The following EMG1 variants were observed in gnomAD, a reference collection of about 807,000 sequenced individuals.
EMG1 encodes the protein EMG1 N1-specific pseudouridine methyltransferase.
EMG1 carries 24 observed loss-of-function variants against 26.9 expected under a neutral mutation model. The ratio of observed to expected loss-of-function variants is 0.89; its 90% CI spans 0.65 to 1.26. The LOEUF is 1.26. Among genes scored for constraint, EMG1 ranks in the 50% most tolerant of loss-of-function variants. The pLI, the probability that EMG1 is intolerant of heterozygous loss-of-function variation, is 0.00. For missense variants in EMG1, 299 were observed against 307.6 expected, an observed-to-expected ratio of 0.97 and a Z score of 0.21; for synonymous variants, 140 against 112.6, an observed-to-expected ratio of 1.24 and a Z score of -1.54.
At chr12:6,986,507 G>A (rs1478126678) in intron 6 of EMG1, among the ~76,000 whole-genome samples, 1 of 152,114 alleles carries the variant, frequency 6.6e-6, no homozygotes, top group African/African-American at 2.4e-5. Flanking sequence ...ATATGTGGCC[G>A]GGTGTGGTGG....
downstream of EMG1, chr12:6,983,144 G>A: frequency 2.1e-6 from 1 of 476,126 alleles, no homozygotes; most frequent in Non-Finnish European, 3.9e-6. Context: ...AGTGGGGACT[G>A]CTTGGCTCGG....
intron 6 of EMG1, among the ~76,000 whole-genome samples, chr12:6,986,856 T>C (rs114193199): frequency 0.044 from 6,555 of 149,636 alleles, 232 homozygotes; most frequent in African/African-American, 0.098. Flanking sequence ...AGCTCACACC[T>C]GTAATCCCCT....
At chr12:6,981,310 A>T, downstream of EMG1, 1 of 775,420 alleles carries the variant, frequency 1.3e-6, no homozygotes, top group Non-Finnish European at 2.1e-6. Context: ...TTGGGGGATG[A>T]CAAATAGTTG....
downstream of EMG1, chr12:6,981,373 A>G: frequency 1.5e-6 from 1 of 672,154 alleles, no homozygotes; most frequent in South Asian, 1.9e-5. Context: ...CTGCTTTAGC[A>G]AATGCCTTGC....
chr12:6,989,860 A>G (rs1039103466), downstream of EMG1, among the ~76,000 whole-genome samples: 2 of 152,134 alleles, frequency 1.3e-5, no homozygotes, highest in Non-Finnish European at 2.9e-5. Context: ...AGAAACAGAA[A>G]TGGACTGTTT....
chr12:6,979,621 G>T lies in EMG1; in HGVS notation c.*3812G>T. On this transcript the variant is annotated 3_prime_UTR_variant, in exon 6 of 6. Transcript: ENST00000599672. Reference sequence around the variant, plus strand: ...GAAGTTCCTGGTCACAGAGAGCAGAGACTATTCCCTTCACCCTCTGACCTT... The same window carrying T: ...GAAGTTCCTGGTCACAGAGAGCAGATACTATTCCCTTCACCCTCTGACCTT... 7.3e-7 allele frequency: 1 copy of T among 1,364,554 alleles called. No homozygotes were observed. The highest frequency in any genetic ancestry group is 1.0e-6 in the Non-Finnish European group (1 of 953,148). The allele number at this position is 1,364,554 out of a possible 1,614,324, so 84.5% of individuals were successfully genotyped here. A position where few individuals can be genotyped will look rare whatever the true frequency, so the allele number is the denominator to read the frequency against.
chr12:6,988,979 A>C (rs993613469), downstream of EMG1, among the ~76,000 whole-genome samples: 1 of 152,068 alleles, frequency 6.6e-6, no homozygotes, highest in East Asian at 1.9e-4. Flanking sequence ...ATACAAAATT[A>C]GCTGGGCGTG....
Position 6,975,215 on chromosome 12 carries a change from C to CT in EMG1, c.472-8dup. On this transcript the variant is annotated splice_polypyrimidine_tract_variant and intron_variant, in intron 4 of 5. Transcript: ENST00000599672. ...ATGTTTCTGGGGCTGACTTTTCTCTCTTTTTTACTTTAGGTAATTAAGAAT... is the reference window on the plus strand; with the variant it reads ...ATGTTTCTGGGGCTGACTTTTCTCTCTTTTTTTACTTTAGGTAATTAAGAAT... 3.7e-6 allele frequency: 6 copies of CT among 1,613,914 alleles called. No homozygotes were observed. The highest frequency in any genetic ancestry group is 5.1e-6 in the Non-Finnish European group (6 of 1,179,832).
In EMG1 at chr12:6,979,851, T is replaced by A; in HGVS notation, c.*4042T>A. The A allele has an allele frequency of 2.3e-6, 1 of 432,056 alleles. No homozygotes were observed. Among genetic ancestry groups the A allele is most frequent in the Admixed American group, 3.9e-5 (1 of 25,846 alleles). 26.8% of individuals were successfully genotyped at this position (432,056 alleles called of 1,614,324 possible). A position where few individuals can be genotyped will look rare whatever the true frequency, so the allele number is the denominator to read the frequency against. Reference sequence around the variant, plus strand: ...TGTGTTTACCCCTCAGGGATGCTACTGATCTCAAGGTCTTGCCAGGTCTCA... The same window carrying A: ...TGTGTTTACCCCTCAGGGATGCTACAGATCTCAAGGTCTTGCCAGGTCTCA... On this transcript the variant is annotated 3_prime_UTR_variant, in exon 6 of 6. Coordinates refer to ENST00000599672, the MANE Select transcript of EMG1 (RefSeq NM_006331.8).
chr12:6,980,793 T>C, downstream of EMG1: 2 of 400,066 alleles, frequency 5.0e-6, no homozygotes, highest in Non-Finnish European at 8.8e-6. Flanking sequence ...TGTGGATTTT[T>C]ATGTTTGTAC....
downstream of EMG1, among the ~76,000 whole-genome samples, chr12:6,990,271 AG>A (rs1386703075): frequency 6.6e-6 from 1 of 151,806 alleles, no homozygotes; most frequent in Non-Finnish European, 1.5e-5. Context: ...GCACTTCGGG[AG>A]GCTGAGGCGG....
intron 1 of EMG1, among the ~76,000 whole-genome samples, chr12:6,972,016 C>T (rs181332642): frequency 4.1e-4 from 63 of 151,840 alleles, no homozygotes; most frequent in Non-Finnish European, 8.1e-4. Flanking sequence ...CAGAAGAAAT[C>T]GCATTGGTTT....
downstream of EMG1, among the ~76,000 whole-genome samples, chr12:6,984,075 G>T (rs143981482): frequency 3.2e-4 from 48 of 152,326 alleles, no homozygotes; most frequent in African/African-American, 1.2e-3. Flanking sequence ...TGTATTATCA[G>T]ATTATGAGGA....
downstream of EMG1, among the ~76,000 whole-genome samples, chr12:6,991,521 T>C (rs1946590428): frequency 6.6e-6 from 1 of 152,216 alleles, no homozygotes; most frequent in East Asian, 1.9e-4. Context: ...AATTTCACCA[T>C]TGATTTCAGC....
At chr12:6,983,166 C>T (rs935911558), downstream of EMG1, 1 of 465,930 alleles carries the variant, frequency 2.1e-6, no homozygotes, top group South Asian at 2.0e-5. Flanking sequence ...CATTCAGTTA[C>T]ATCCACAGCA....
At chr12:6,974,206 G>A (rs1180535343) in intron 1 of EMG1, 133 bp from the exon 2 acceptor site, 8 of 686,820 alleles carry the variant, frequency 1.2e-5, no homozygotes, top group African/African-American at 1.8e-5. Context: ...TAGGTCTAGG[G>A]TGGGCCTGAG....
chr12:6,985,402 C>A (rs998264676), intron 6 of EMG1, among the ~76,000 whole-genome samples: 1 of 149,304 alleles, frequency 6.7e-6, no homozygotes, highest in Admixed American at 6.7e-5. Flanking sequence ...TCTCAAAAAA[C>A]CAAAATAAAA....
downstream of EMG1, chr12:6,983,326 A>T (rs1414673873): frequency 1.4e-6 from 1 of 728,432 alleles, no homozygotes; most frequent in Non-Finnish European, 2.4e-6. Flanking sequence ...AAGTGGGAGC[A>T]TTATAACTTC....
Position 6,979,276 on chromosome 12 carries a change from C to T in EMG1, c.*3467C>T. Reference sequence around the variant, plus strand: ...AATGTGCACCTGGCACAGCCCTGTGCCCGCGAAGGTTGTTCAGTGCTGGCT... The same window carrying T: ...AATGTGCACCTGGCACAGCCCTGTGTCCGCGAAGGTTGTTCAGTGCTGGCT... On this transcript the variant is annotated 3_prime_UTR_variant, in exon 6 of 6. Transcript: ENST00000599672. The T allele has an allele frequency of 1.7e-6, 1 of 592,862 alleles. No individual in the cohort carries two copies. 36.7% of individuals were successfully genotyped at this position (592,862 alleles called of 1,614,324 possible).
Sources: allele counts gnomAD v4.1 joint callset (sites outside exome capture counted in the v4.1 genomes callset), GRCh38; gene constraint gnomAD v4.1.1; transcripts MANE v1.5; gene names NCBI Gene and HGNC (gene_info 2026-07-23, HGNC 2026-07-21).